C3orf70: variants seen among roughly 807,000 people sequenced by gnomAD.
C3orf70 encodes the protein chromosome 3 open reading frame 70.
A neutral mutation model predicts 20.7 loss-of-function variants in C3orf70; 15 were observed. The ratio of observed to expected loss-of-function variants is 0.72; its 90% CI spans 0.48 to 1.11. The LOEUF (loss-of-function observed/expected upper bound fraction) is 1.11. Ranked by LOEUF, C3orf70 falls within the 50% of genes most tolerant of loss-of-function variation. The pLI is 0.00. For missense variants in C3orf70, 332 were observed against 317.6 expected, an observed-to-expected ratio of 1.05 and a Z score of -0.34; for synonymous variants, 161 against 125.7, an observed-to-expected ratio of 1.28 and a Z score of -1.88.
intron 1 of C3orf70, among the ~76,000 whole-genome samples, chr3:185,091,943 ATATATATATATATATATATATTTTT>A (rs1234248930): frequency 0.071 from 569 of 8,010 alleles, 64 homozygotes; most frequent in Non-Finnish European, 0.1. Context: ...ATATATATAT[ATATATATATATATATATATATTTTT>A]TTTTTTTTTT....
intron 1 of C3orf70, among the ~76,000 whole-genome samples, chr3:185,123,375 T>C (rs1716346657): frequency 6.6e-6 from 1 of 152,150 alleles, no homozygotes; most frequent in South Asian, 2.1e-4. Context: ...ATCGTGGTTT[T>C]TGATATATCT....
intron 1 of C3orf70, among the ~76,000 whole-genome samples, chr3:185,091,902 CACACACATACATAT>C (rs1308071210): frequency 3.3e-5 from 3 of 89,558 alleles, no homozygotes; most frequent in Non-Finnish European, 6.6e-5. Flanking sequence ...CACATACACA[CACACACATACATAT>C]ATATATATAT....
intron 1 of C3orf70, among the ~76,000 whole-genome samples, chr3:185,095,678 T>A (rs1442892930): frequency 1.3e-5 from 2 of 152,122 alleles, no homozygotes; most frequent in African/African-American, 2.4e-5. Context: ...AACGTGTCTG[T>A]ATATTATTCA....
chr3:185,091,364 A>G (rs1715566489), intron 1 of C3orf70, among the ~76,000 whole-genome samples: 2 of 152,160 alleles, frequency 1.3e-5, no homozygotes, highest in African/African-American at 4.8e-5. Flanking sequence ...CTGAGGCTGG[A>G]TGGGGCTTGG....
intron 1 of C3orf70, among the ~76,000 whole-genome samples, chr3:185,144,522 A>T (rs181853471): frequency 2.4e-4 from 36 of 152,278 alleles, no homozygotes; most frequent in African/African-American, 8.4e-4. Context: ...CCCAGGCTGG[A>T]GTGCAGTGGC....
At chr3:185,146,275 C>CTT (rs1431009979) in intron 1 of C3orf70, among the ~76,000 whole-genome samples, 4 of 114,394 alleles carry the variant, frequency 3.5e-5, no homozygotes, top group African/African-American at 1.3e-4. Context: ...TTACAACTCT[C>CTT]ATTTTTTTTT....
At chr3:185,144,081 T>G (rs1395722104) in intron 1 of C3orf70, among the ~76,000 whole-genome samples, 1 of 151,984 alleles carries the variant, frequency 6.6e-6, no homozygotes, top group Non-Finnish European at 1.5e-5. Context: ...CCAAGTGTAA[T>G]ATTCAAAACA....
intron 1 of C3orf70, among the ~76,000 whole-genome samples, chr3:185,091,908 C>G: frequency 1.7e-5 from 1 of 58,988 alleles, no homozygotes; most frequent in African/African-American, 5.4e-5. Flanking sequence ...CACACACACA[C>G]ATACATATAT....
intron 1 of C3orf70, among the ~76,000 whole-genome samples, chr3:185,101,696 C>T (rs1715827208): frequency 6.6e-6 from 1 of 152,156 alleles, no homozygotes; most frequent in South Asian, 2.1e-4. Context: ...GGTAAGAACT[C>T]TGTCAACGAG....
At chr3:185,098,295 G>A (rs1382946935) in intron 1 of C3orf70, among the ~76,000 whole-genome samples, 2 of 152,188 alleles carry the variant, frequency 1.3e-5, no homozygotes, top group Admixed American at 6.5e-5. Flanking sequence ...TAAATGCTAT[G>A]TATTAAAATG....
intron 1 of C3orf70, among the ~76,000 whole-genome samples, chr3:185,134,482 G>C (rs565545500): frequency 6.6e-6 from 1 of 152,210 alleles, no homozygotes; most frequent in South Asian, 2.1e-4. Flanking sequence ...GAGTTCCCTG[G>C]TATTTTCTTG....
At chr3:185,093,194 C>T (rs963237096) in intron 1 of C3orf70, among the ~76,000 whole-genome samples, 1 of 152,134 alleles carries the variant, frequency 6.6e-6, no homozygotes, top group African/African-American at 2.4e-5. Flanking sequence ...CAAAGTACCA[C>T]CAAGCAACCT....
chr3:185,111,420 A>G (rs1716070732), intron 1 of C3orf70, among the ~76,000 whole-genome samples: 2 of 152,224 alleles, frequency 1.3e-5, no homozygotes, highest in Admixed American at 1.3e-4. Flanking sequence ...TAAAATGATC[A>G]AAAGGATTTG....
At chr3:185,136,710 C>A (rs918963484) in intron 1 of C3orf70, among the ~76,000 whole-genome samples, 3 of 151,526 alleles carry the variant, frequency 2.0e-5, no homozygotes, top group African/African-American at 7.3e-5. Context: ...GGCGACAGAG[C>A]GAAGACTCTG....
chr3:185,088,318 CCAATTTTCTTAAAAAGGGGTGTGGCTA>C (rs1298859777), intron 1 of C3orf70, among the ~76,000 whole-genome samples: 1 of 152,014 alleles, frequency 6.6e-6, no homozygotes, highest in Non-Finnish European at 1.5e-5. Flanking sequence ...AGAAAACAAC[CCAATTTTCTTAAAAAGGGGTGTGGCTA>C]CATAAGAGTA....
chr3:185,139,759 G>A (rs1482604892), intron 1 of C3orf70, among the ~76,000 whole-genome samples: 1 of 152,018 alleles, frequency 6.6e-6, no homozygotes, highest in Non-Finnish European at 1.5e-5. Context: ...AATGGTGCTG[G>A]AGCAACTGGA....
At chr3:185,123,738 A>G (rs1237815955) in intron 1 of C3orf70, among the ~76,000 whole-genome samples, 1 of 152,174 alleles carries the variant, frequency 6.6e-6, no homozygotes, top group Non-Finnish European at 1.5e-5. Context: ...TTACAAAAAT[A>G]TATATTATTG....
At chr3:185,096,146 T>A (rs34813687) in intron 1 of C3orf70, among the ~76,000 whole-genome samples, 3 of 58,198 alleles carry the variant, frequency 5.2e-5, no homozygotes, top group African/African-American at 1.2e-4. Context: ...ATACTTCTGT[T>A]TTTTTCTTTA....
chr3:185,103,501 GAA>G (rs36069491), intron 1 of C3orf70, among the ~76,000 whole-genome samples: 73 of 149,750 alleles, frequency 4.9e-4, no homozygotes, highest in African/African-American at 1.0e-3. Context: ...AAATTTACAA[GAA>G]AAAAAAAACC....
Sources: gnomAD v4.1 joint callset for allele counts (sites outside exome capture counted in the v4.1 genomes callset) on GRCh38, gnomAD v4.1.1 for gene constraint, MANE v1.5 for transcripts, NCBI Gene and HGNC (gene_info 2026-07-23, HGNC 2026-07-21) for gene names.